CATSPERT: variants seen among roughly 807,000 people sequenced by gnomAD.
CATSPERT encodes cation channel sperm-associated targeting subunit tau.
chr2:201,579,003 T>C, the CATSPERT span, among the ~76,000 whole-genome samples: 12 of 152,178 alleles, frequency 7.9e-5, no homozygotes, highest in African/African-American at 2.9e-4. Context: ...GTATGCCATT[T>C]TTTAAAATCT....
chr2:201,608,422 G>A, the CATSPERT span, among the ~76,000 whole-genome samples: 1 of 152,098 alleles, frequency 6.6e-6, no homozygotes, highest in African/African-American at 2.4e-5. Context: ...GAGCTCTCAT[G>A]CTCTCTCTGG....
chr2:201,520,615 C>T, the CATSPERT span, among the ~76,000 whole-genome samples: 3 of 152,124 alleles, frequency 2.0e-5, no homozygotes, highest in African/African-American at 7.2e-5. Flanking sequence ...GGGTCAGGTG[C>T]GGTAGCTCAT....
chr2:201,594,046 G>A, the CATSPERT span, among the ~76,000 whole-genome samples: 5 of 152,074 alleles, frequency 3.3e-5, no homozygotes, highest in South Asian at 2.1e-4. Context: ...TATTTTGCTC[G>A]TTAGTTGATG....
the CATSPERT span, among the ~76,000 whole-genome samples, chr2:201,579,068 C>T: frequency 6.6e-6 from 1 of 152,062 alleles, no homozygotes; most frequent in Admixed American, 6.5e-5. Context: ...ATCATCATTA[C>T]TCTTCACTCC....
chr2:201,599,113 T>C, the CATSPERT span, among the ~76,000 whole-genome samples: 3 of 152,130 alleles, frequency 2.0e-5, no homozygotes, highest in African/African-American at 7.2e-5. Flanking sequence ...ACTTCCCCTG[T>C]GGCCCTCAGT....
the CATSPERT span, among the ~76,000 whole-genome samples, chr2:201,618,199 C>G: frequency 6.6e-6 from 1 of 152,262 alleles, no homozygotes; most frequent in East Asian, 1.9e-4. Context: ...CCCAGCCATC[C>G]CATTACTGGG....
chr2:201,615,779 G>A, the CATSPERT span, among the ~76,000 whole-genome samples: 1 of 152,072 alleles, frequency 6.6e-6, no homozygotes, highest in Non-Finnish European at 1.5e-5. Flanking sequence ...CTGGTTTTCT[G>A]AAAAGATCAA....
the CATSPERT span, among the ~76,000 whole-genome samples, chr2:201,601,126 G>A: frequency 1.3e-5 from 2 of 152,136 alleles, no homozygotes; most frequent in African/African-American, 4.8e-5. Flanking sequence ...AAGTGCCGGT[G>A]TGTGAGGCAG....
At chr2:201,530,864 T>C in the CATSPERT span, among the ~76,000 whole-genome samples, 1 of 152,128 alleles carries the variant, frequency 6.6e-6, no homozygotes, top group Non-Finnish European at 1.5e-5. Context: ...ATGTGATTGA[T>C]TTAATTACAT....
chr2:201,523,941 A>G, the CATSPERT span, among the ~76,000 whole-genome samples: 1 of 152,210 alleles, frequency 6.6e-6, no homozygotes, highest in Admixed American at 6.5e-5. Context: ...GTGAGAAAAA[A>G]TTTTTAAAAA....
the CATSPERT span, among the ~76,000 whole-genome samples, chr2:201,581,542 ATG>A: frequency 0.34 from 13,730 of 40,902 alleles, 4,040 homozygotes; most frequent in East Asian, 0.75. Context: ...CTGGAAAAAA[ATG>A]TGTGTATATA....
chr2:201,528,687 C>T, the CATSPERT span, among the ~76,000 whole-genome samples: 1 of 152,100 alleles, frequency 6.6e-6, no homozygotes, highest in Non-Finnish European at 1.5e-5. Context: ...CATGTTCTCA[C>T]TTATAAGTGG....
At chr2:201,547,697 G>GCAAGT in the CATSPERT span, 1 of 639,980 alleles carries the variant, frequency 1.6e-6, no homozygotes, top group African/African-American at 1.9e-5. Flanking sequence ...CTTGCAATGT[G>GCAAGT]ATCCATTTAT....
At chr2:201,561,199 T>C in the CATSPERT span, among the ~76,000 whole-genome samples, 1 of 152,202 alleles carries the variant, frequency 6.6e-6, no homozygotes, top group Non-Finnish European at 1.5e-5. Context: ...AGGAAGAGAA[T>C]ACAACCAATG....
chr2:201,550,279 G>T, the CATSPERT span: 1 of 152,146 alleles, frequency 6.6e-6, no homozygotes, highest in Non-Finnish European at 1.5e-5. Context: ...TGCAAAAACT[G>T]ATCGGCACCT....
the CATSPERT span, among the ~76,000 whole-genome samples, chr2:201,525,255 A>G: frequency 6.6e-6 from 1 of 152,182 alleles, no homozygotes; most frequent in East Asian, 1.9e-4. Flanking sequence ...TATATCAACC[A>G]TGCTCTGGGA....
chr2:201,548,368 G>A, the CATSPERT span, among the ~76,000 whole-genome samples: 1 of 151,942 alleles, frequency 6.6e-6, no homozygotes, highest in Non-Finnish European at 1.5e-5. Context: ...CTTTTTATGA[G>A]GGCATTAATC....
At chr2:201,535,180 G>A in the CATSPERT span, 1 of 984,630 alleles carries the variant, frequency 1.0e-6, no homozygotes, top group Middle Eastern at 5.2e-4. Flanking sequence ...TGAAATTTGG[G>A]AGAGAATTTA....
At chr2:201,545,460 G>T in the CATSPERT span, 2 of 939,374 alleles carry the variant, frequency 2.1e-6, no homozygotes, top group Non-Finnish European at 3.2e-6. Flanking sequence ...TCTACTTAAA[G>T]CAAATTACTA....
Sources: allele counts gnomAD v4.1 joint callset (sites outside exome capture counted in the v4.1 genomes callset), GRCh38; gene constraint gnomAD v4.1.1; transcripts MANE v1.5; gene names NCBI Gene and HGNC (gene_info 2026-07-23, HGNC 2026-07-21).